Variants in ATP6V0D1 observed in about 807,000 individuals in gnomAD.
ATP6V0D1 encodes V-type proton ATPase subunit d 1.
A neutral mutation model predicts 39.0 loss-of-function variants in ATP6V0D1; 13 were observed. The ratio of observed to expected loss-of-function variants is 0.33; its 90% confidence interval spans 0.22 to 0.53. The LOEUF (loss-of-function observed/expected upper bound fraction) is 0.53, where lower values mean the gene tolerates loss of function less well. ATP6V0D1 is among the 20% of genes least tolerant of loss of function. The probability of loss-of-function intolerance (pLI) is 0.94; values close to 1 mark genes in which losing one functional copy is unlikely to be tolerated. For missense variants in ATP6V0D1, 272 were observed against 470.9 expected (o/e 0.58, Z 3.91); for synonymous variants, 191 against 191.2 (o/e 1.00, Z 0.01).
intron 1 of ATP6V0D1, among the ~76,000 whole-genome samples, chr16:67,477,063 T>A (rs2041421025): frequency 1.6e-5 from 2 of 126,974 alleles, no homozygotes; most frequent in African/African-American, 3.0e-5. Context: ...AAACATCACC[T>A]ATTAAGTATT....
chr16:67,478,922 T>C (rs775702444), intron 1 of ATP6V0D1, among the ~76,000 whole-genome samples: 1 of 151,482 alleles, frequency 6.6e-6, no homozygotes, highest in Non-Finnish European at 1.5e-5. Context: ...GAATGTCTAT[T>C]GATGATCAAT....
intron 1 of ATP6V0D1, chr16:67,458,931 T>C: frequency 2.1e-6 from 1 of 486,194 alleles, no homozygotes; most frequent in Non-Finnish European, 2.7e-6. Context: ...GCCCCACATC[T>C]TGGCTCCCTA....
chr16:67,472,649 C>T (rs572593124), intron 1 of ATP6V0D1, among the ~76,000 whole-genome samples: 3 of 152,176 alleles, frequency 2.0e-5, no homozygotes, highest in Non-Finnish European at 4.4e-5. Flanking sequence ...GGGAGGATCA[C>T]GAGGTCAGGA....
At chr16:67,467,921 A>C (rs2041343100) in intron 1 of ATP6V0D1, among the ~76,000 whole-genome samples, 1 of 152,170 alleles carries the variant, frequency 6.6e-6, no homozygotes, top group Admixed American at 6.5e-5. Flanking sequence ...AGGCATCCTG[A>C]CCACAGCAGG....
chr16:67,438,388 C>T lies in ATP6V0D1; in HGVS notation c.*140G>A, dbSNP rs914343991. On this transcript the variant is annotated 3_prime_UTR_variant, in exon 8 of 8. Coordinates refer to ENST00000290949, the MANE Select transcript of ATP6V0D1 (RefSeq NM_004691.5). ...AAGAGGGTCAGGAGAACTGGGCAGC[C>T]GCTAGGACAGCGTACTACACCCCGG... The T allele has an allele frequency of 1.3e-5, 14 of 1,049,268 alleles. No individual in the cohort carries two copies. The highest frequency in any genetic ancestry group is 4.7e-5 in the South Asian group (3 of 63,942). The allele number at this position is 1,049,268 out of a possible 1,614,324, so 65.0% of individuals were successfully genotyped here.
chr16:67,443,035 C>T, intron 4 of ATP6V0D1, 64 bp downstream of exon 4: 1 of 1,558,264 alleles, frequency 6.4e-7, no homozygotes, highest in Admixed American at 1.7e-5. Flanking sequence ...AATCACCACC[C>T]TACCACTTCC....
chr16:67,448,328 G>A (rs1465165270), intron 2 of ATP6V0D1, among the ~76,000 whole-genome samples: 1 of 151,794 alleles, frequency 6.6e-6, no homozygotes, highest in Non-Finnish European at 1.5e-5. Context: ...ACTCCAGCCT[G>A]GGCAACAGAG....
chr16:67,477,236 T>C (rs1334457848), intron 1 of ATP6V0D1, among the ~76,000 whole-genome samples: 4 of 152,138 alleles, frequency 2.6e-5, no homozygotes. Context: ...TCAAGTGATC[T>C]AACTTCAATC....
Position 67,456,282 on chromosome 16 carries a change from C to T in ATP6V0D1, c.131-2567G>A, listed in dbSNP as rs1228982818. The stretch of plus-strand genomic sequence containing the variant: ...AAAGTGCTGCGATTACAGGCGTGAA[C>T]CACGTGTGCAAGTCTTTTTAAGAGA... On this transcript the variant is annotated intron_variant, in intron 1 of 7. Coordinates refer to ENST00000290949, the MANE Select transcript of ATP6V0D1 (RefSeq NM_004691.5). The surrounding 1 kb of genome is among the most constrained non-coding windows in gnomAD (Gnocchi z 4.1). 1 of 152,128 alleles carries T rather than the reference C, an allele frequency of 6.6e-6. No individual in the cohort carries two copies. The highest frequency in any genetic ancestry group is 2.4e-5 in the African/African-American group (1 of 41,426). The allele number at this position is 152,128 out of a possible 1,614,324, so 9.4% of individuals were successfully genotyped here. A position where few individuals can be genotyped will look rare whatever the true frequency, so the allele number is the denominator to read the frequency against.
chr16:67,458,902 G>A (rs945060149), intron 1 of ATP6V0D1: 6 of 233,790 alleles, frequency 2.6e-5, no homozygotes, highest in Non-Finnish European at 3.5e-5. Context: ...TCCATCTCCT[G>A]GCACTACCCA....
At chr16:67,477,936 T>A (rs1597586238) in intron 1 of ATP6V0D1, among the ~76,000 whole-genome samples, 1 of 152,210 alleles carries the variant, frequency 6.6e-6, no homozygotes. Flanking sequence ...CCCAAAGTGC[T>A]GGGATTACAG....
chr16:67,476,763 T>C (rs1034358537), intron 1 of ATP6V0D1, among the ~76,000 whole-genome samples: 1 of 152,002 alleles, frequency 6.6e-6, no homozygotes, highest in Non-Finnish European at 1.5e-5. Context: ...TGGCTGGGTG[T>C]AGTGGCTCAC....
chr16:67,438,476 C>CAG lies in ATP6V0D1; in HGVS notation c.*51_*52insCT, dbSNP rs1157636629. The stretch of plus-strand genomic sequence containing the variant: ...ACACACACACGCACACACACGCGCA[C>CAG]ACACACACACACACACACAAAGAGT... On this transcript the variant is annotated 3_prime_UTR_variant, in exon 8 of 8. Coordinates refer to ENST00000290949, the MANE Select transcript of ATP6V0D1 (RefSeq NM_004691.5). The CAG allele has an allele frequency of 6.7e-7, 1 of 1,489,214 alleles. No homozygotes were observed. Among genetic ancestry groups the CAG allele is most frequent in the Non-Finnish European group, 9.1e-7 (1 of 1,102,156 alleles). 92.3% of individuals were successfully genotyped at this position (1,489,214 alleles called of 1,614,324 possible). A position where few individuals can be genotyped will look rare whatever the true frequency, so the allele number is the denominator to read the frequency against.
intron 1 of ATP6V0D1, among the ~76,000 whole-genome samples, chr16:67,473,813 G>C (rs1026538539): frequency 6.6e-6 from 1 of 152,096 alleles, no homozygotes. Context: ...ATGAGCCACT[G>C]CACCCAGCCA....
At chr16:67,442,786 G>C (rs1378173798) in intron 4 of ATP6V0D1, among the ~76,000 whole-genome samples, 1 of 152,204 alleles carries the variant, frequency 6.6e-6, no homozygotes, top group Non-Finnish European at 1.5e-5. Context: ...CCACGGCCTG[G>C]GTGGTAGTCC....
chr16:67,447,393 C>T lies in ATP6V0D1; in HGVS notation c.303-2687G>A, dbSNP rs188552810. 7.8e-4 allele frequency among the ~76,000 whole-genome samples: 119 copies of T among 152,340 alleles called. 1 individual carries two copies. Among genetic ancestry groups the T allele is most frequent in the Middle Eastern group, 3.4e-3 (1 of 294 alleles). ...GCTGGCCCAGCAGTCTGCCTTTCTC[C>T]CAAGGCCGAGGCCTTCGGCAGGCAG... On this transcript the variant is annotated intron_variant, in intron 2 of 7. Coordinates refer to ENST00000290949, the MANE Select transcript of ATP6V0D1 (RefSeq NM_004691.5). The surrounding 1 kb of genome is among the most constrained non-coding windows in gnomAD (Gnocchi z 4.1).
chr16:67,468,485 G>A (rs150834012), intron 1 of ATP6V0D1, among the ~76,000 whole-genome samples: 1 of 151,904 alleles, frequency 6.6e-6, no homozygotes, highest in African/African-American at 2.4e-5. Context: ...ATACTTGGGG[G>A]GCTGAGTTGG....
chr16:67,453,564 G>C lies in ATP6V0D1; in HGVS notation c.282C>G (p.Ala94=). 6.2e-7 allele frequency: 1 copy of C among 1,614,206 alleles called. No individual in the cohort carries two copies. The highest frequency in any genetic ancestry group is 8.5e-7 in the Non-Finnish European group (1 of 1,180,034). The stretch of plus-strand genomic sequence containing the variant: ...CTCACGTAATGAAGTCTAGGAAGCT[G>C]GCGAGTGGCTCATAGGCATGGTTCC... ...HMRNHAYEPL[A]SFLDFITYSY... is the part of the protein sequence containing the mutation. The change falls in exon 2 of 8, where the codon GCC becomes GCG. Residue 94 remains alanine, a synonymous_variant. Coordinates refer to ENST00000290949, the MANE Select transcript of ATP6V0D1 (RefSeq NM_004691.5). This position sits in a 1 kb window ranked among gnomAD's most constrained non-coding sequence, Gnocchi z 4.1.
chr16:67,454,360 G>A (rs951825670), intron 1 of ATP6V0D1, among the ~76,000 whole-genome samples: 3 of 152,186 alleles, frequency 2.0e-5, no homozygotes, highest in Middle Eastern at 3.2e-3. Flanking sequence ...AGGAAAGACT[G>A]AGCGTCCCTT....
Sources: gnomAD v4.1 joint callset for allele counts (sites outside exome capture counted in the v4.1 genomes callset) on GRCh38, gnomAD v4.1.1 for gene constraint, Gnocchi (gnomAD v3.1) non-coding constraint, MANE v1.5 for transcripts, NCBI Gene and HGNC (gene_info 2026-07-23, HGNC 2026-07-21) for gene names.